SHANK2: variants seen among roughly 807,000 people sequenced by gnomAD.
The protein encoded by SHANK2 is SH3 and multiple ankyrin repeat domains 2.
A neutral mutation model predicts 133.7 loss-of-function variants in SHANK2; 43 were observed. The ratio of observed to expected loss-of-function variants is 0.32; its 90% CI spans 0.25 to 0.41. The LOEUF (loss-of-function observed/expected upper bound fraction) is 0.41. Among genes scored for constraint, SHANK2 ranks in the 10% least tolerant of loss-of-function variants. The probability of loss-of-function intolerance (pLI) is 1.00; values close to 1 mark genes in which losing one functional copy is unlikely to be tolerated. For missense variants in SHANK2, 1,994 were observed against 2,235.8 expected (o/e 0.89, Z 2.18); for synonymous variants, 1,017 against 952.8 (o/e 1.07, Z -1.24).
At chr11:70,683,598 G>C (rs1183824565) in intron 15 of SHANK2, among the ~76,000 whole-genome samples, 1 of 152,196 alleles carries the variant, frequency 6.6e-6, no homozygotes, top group South Asian at 2.1e-4. Flanking sequence ...GTATCAGCAT[G>C]ACCACTGTGG....
At chr11:70,626,715 A>C (rs1468703083) in intron 17 of SHANK2, among the ~76,000 whole-genome samples, 5 of 152,224 alleles carry the variant, frequency 3.3e-5, no homozygotes, top group African/African-American at 1.2e-4. Flanking sequence ...GTACCTCTGA[A>C]AGGCCAATCC....
At chr11:71,251,706 G>T (rs1205972734) in intron 1 of SHANK2, among the ~76,000 whole-genome samples, 1 of 151,074 alleles carries the variant, frequency 6.6e-6, no homozygotes, top group Non-Finnish European at 1.5e-5. Context: ...TGAGCACGGC[G>T]GGCCGGGGTC....
chr11:70,926,195 C>T (rs782516665), intron 10 of SHANK2, among the ~76,000 whole-genome samples: 1 of 152,140 alleles, frequency 6.6e-6, no homozygotes, highest in South Asian at 2.1e-4. Flanking sequence ...ATCCCTTGAG[C>T]TCAGGAGTTC....
At position 70,945,093 on chromosome 11, in the gene SHANK2, G is replaced by T. The variant is rs375813972; in HGVS notation, c.1108-48526C>A. Among the ~76,000 whole-genome samples the T allele has an allele frequency of 2.7e-4, 41 of 152,162 alleles. No individual in the cohort carries two copies. In the South Asian group the frequency reaches 8.3e-3, roughly 31 times the overall value. On this transcript the variant is annotated intron_variant, in intron 10 of 25. Coordinates refer to ENST00000601538, the MANE Select transcript of SHANK2 (RefSeq NM_012309.5). Reference sequence around the variant, plus strand: ...GATGACAGCTTTCCTTTAATGACAGGTGATTATCAGCTGCCCATCTCCATC... The same window carrying T: ...GATGACAGCTTTCCTTTAATGACAGTTGATTATCAGCTGCCCATCTCCATC...
chr11:70,659,779 G>T (rs782031414), intron 17 of SHANK2, 49 bp downstream of exon 17: 34 of 1,612,916 alleles, frequency 2.1e-5, no homozygotes, highest in Non-Finnish European at 2.6e-5. Context: ...CTCTCCCCGA[G>T]AGTCGGCGCT....
rs537734525 is a variant in SHANK2 at position 70,897,016 on chromosome 11, A to T, written c.1108-449T>A. On this transcript the variant is annotated intron_variant, in intron 10 of 25. Coordinates refer to ENST00000601538, the MANE Select transcript of SHANK2 (RefSeq NM_012309.5). The stretch of plus-strand genomic sequence containing the variant: ...AAGAAGGGGAAACCTCAAAAAAAGC[A>T]TTTAAAACTCATCAGATTTCAGTTA... Among the ~76,000 whole-genome samples, 4 of 152,330 alleles carry T rather than the reference A, an allele frequency of 2.6e-5. No individual in the cohort carries two copies. In the South Asian group the frequency reaches 8.3e-4, roughly 32 times the overall value.
At chr11:70,647,098 T>C (rs1329059768) in intron 17 of SHANK2, among the ~76,000 whole-genome samples, 1 of 152,064 alleles carries the variant, frequency 6.6e-6, no homozygotes, top group Non-Finnish European at 1.5e-5. Context: ...ACTCTTGACC[T>C]CAGGGGATCT....
At chr11:70,742,708 C>T (rs185315121) in intron 14 of SHANK2, among the ~76,000 whole-genome samples, 15 of 152,350 alleles carry the variant, frequency 9.8e-5, no homozygotes, top group African/African-American at 3.4e-4. Flanking sequence ...GGATTCAGAG[C>T]TCTCCATGCA....
chr11:71,098,816 C>T (rs1158158414), intron 6 of SHANK2, among the ~76,000 whole-genome samples: 1 of 151,924 alleles, frequency 6.6e-6, no homozygotes, highest in Non-Finnish European at 1.5e-5. Context: ...GGGGGTGATG[C>T]GTAGCCCGCA....
intron 17 of SHANK2, among the ~76,000 whole-genome samples, chr11:70,547,490 A>T (rs1178947248): frequency 4.6e-5 from 7 of 152,030 alleles, no homozygotes; most frequent in Non-Finnish European, 7.4e-5. Flanking sequence ...CAAACTCCTG[A>T]CCTTGGGTGA....
intron 2 of SHANK2, among the ~76,000 whole-genome samples, chr11:71,151,671 C>T (rs1952799260): frequency 6.6e-6 from 1 of 152,228 alleles, no homozygotes; most frequent in Admixed American, 6.5e-5. Flanking sequence ...TCAGCGTCAA[C>T]ATCTGAAAAA....
chr11:70,513,881 C>T (rs2059235210), intron 17 of SHANK2, among the ~76,000 whole-genome samples: 1 of 151,950 alleles, frequency 6.6e-6, no homozygotes, highest in Admixed American at 6.6e-5. Context: ...AAAGGTCTAA[C>T]ATAACGTGAA....
At chr11:71,108,840 A>G (rs1192867461) in intron 6 of SHANK2, among the ~76,000 whole-genome samples, 2 of 152,188 alleles carry the variant, frequency 1.3e-5, no homozygotes, top group African/African-American at 4.8e-5. Context: ...TGCTGCTCAC[A>G]GCGAAGCCTA....
chr11:70,679,265 C>T (rs371508671), intron 15 of SHANK2, among the ~76,000 whole-genome samples: 11 of 152,330 alleles, frequency 7.2e-5, no homozygotes, highest in South Asian at 2.1e-4. Flanking sequence ...AAGGAAGCTG[C>T]GGCTCAGAAA....
intron 17 of SHANK2, among the ~76,000 whole-genome samples, chr11:70,629,521 G>C (rs114774255): frequency 6.6e-6 from 1 of 152,150 alleles, no homozygotes; most frequent in Non-Finnish European, 1.5e-5. Flanking sequence ...GCGGGCCACC[G>C]TGACCCTGGG....
intron 1 of SHANK2, among the ~76,000 whole-genome samples, chr11:71,245,826 G>A (rs1335128873): frequency 3.3e-5 from 5 of 152,358 alleles, no homozygotes; most frequent in Middle Eastern, 3.4e-3. Context: ...ATGCAGACAG[G>A]AGCAAGGCGT....
chr11:71,131,462 G>C (rs571511023), intron 3 of SHANK2, among the ~76,000 whole-genome samples: 2 of 152,268 alleles, frequency 1.3e-5, no homozygotes, highest in African/African-American at 4.8e-5. Flanking sequence ...AACATTTTTC[G>C]CACAGTGAAA....
chr11:70,833,284 G>A (rs781937192), intron 11 of SHANK2, among the ~76,000 whole-genome samples: 4 of 152,360 alleles, frequency 2.6e-5, no homozygotes, highest in Non-Finnish European at 4.4e-5. Context: ...TGGCCACCCC[G>A]GCTGGCCGCA....
chr11:70,766,255 G>A (rs1258858431), intron 14 of SHANK2, among the ~76,000 whole-genome samples: 1 of 152,248 alleles, frequency 6.6e-6, no homozygotes, highest in Non-Finnish European at 1.5e-5. Flanking sequence ...GCAGAGGCCA[G>A]GTCCCTGTAT....
Sources: gnomAD v4.1 joint callset for allele counts (sites outside exome capture counted in the v4.1 genomes callset) on GRCh38, gnomAD v4.1.1 for gene constraint, MANE v1.5 for transcripts, NCBI Gene and HGNC (gene_info 2026-07-23, HGNC 2026-07-21) for gene names.